Variants in TRNT1 observed in about 807,000 individuals in gnomAD.
TRNT1 encodes tRNA nucleotidyl transferase 1.
A neutral mutation model predicts 45.6 loss-of-function variants in TRNT1; 44 were observed. That is an observed-to-expected ratio of 0.97 (90% CI 0.76 to 1.24). TRNT1 has a LOEUF of 1.24. TRNT1 is among the 50% of genes most tolerant of loss of function. TRNT1 has a pLI of 0.00. For missense variants in TRNT1, 633 were observed against 504.4 expected (o/e 1.25, Z -2.44); for synonymous variants, 201 against 171.4 (o/e 1.17, Z -1.35).
intron 2 of TRNT1, among the ~76,000 whole-genome samples, chr3:3,133,430 A>C (rs1705135793): frequency 6.6e-6 from 1 of 152,016 alleles, no homozygotes; most frequent in South Asian, 2.1e-4. Flanking sequence ...ACAGTGATGC[A>C]CACCTGTAGT....
At chr3:3,149,597 G>C (rs1236115816), downstream of TRNT1, 1 of 152,130 alleles carries the variant, frequency 6.6e-6, no homozygotes, top group Non-Finnish European at 1.5e-5. Flanking sequence ...TTTTAGTGCA[G>C]TGTAAGAACT....
At chr3:3,140,137 A>AT (rs769802681) in intron 3 of TRNT1, among the ~76,000 whole-genome samples, 145 of 152,368 alleles carry the variant, frequency 9.5e-4, no homozygotes, top group Non-Finnish European at 1.6e-3. Context: ...ATAAATTGAC[A>AT]TTCACCTCTT....
chr3:3,140,837 C>T lies in TRNT1; in HGVS notation c.481+189C>T, dbSNP rs1705604376. 5.6e-6 allele frequency: 3 copies of T among 538,944 alleles called. No individual in the cohort carries two copies. The East Asian group carries it at 1.1e-4, about 20-fold the overall frequency. The allele number at this position is 538,944 out of a possible 1,614,324, so 33.4% of individuals were successfully genotyped here. On this transcript the variant is annotated intron_variant, in intron 4 of 7. Coordinates refer to ENST00000251607, the MANE Select transcript of TRNT1 (RefSeq NM_182916.3). ...GTGGGTCACGCCTGTAATCCCAGCA[C>T]TTTGGGAGGCCAAGGCAGGCGGATC... is the stretch of plus-strand genomic sequence containing the variant.
intron 2 of TRNT1, chr3:3,129,918 G>C: frequency 6.4e-7 from 1 of 1,550,604 alleles, no homozygotes; most frequent in Non-Finnish European, 8.7e-7. Flanking sequence ...TTCCTTCCTA[G>C]GTATAAATGC....
rs575835283 is a variant in TRNT1 at position 3,129,795 on chromosome 3, T to G, written c.148+607T>G. On this transcript the variant is annotated intron_variant, in intron 2 of 7. Coordinates refer to ENST00000251607, the MANE Select transcript of TRNT1 (RefSeq NM_182916.3). ...CTGTTACGTGAAAAAGGAAACAGAT[T>G]GTTAGGCATGTGAAGTGCTTTGCCT... 2.9e-5 allele frequency: 39 copies of G among 1,367,494 alleles called. No individual in the cohort carries two copies. The African/African-American group carries it at 5.0e-4, about 18-fold the overall frequency. 84.7% of individuals were successfully genotyped at this position (1,367,494 alleles called of 1,614,324 possible). A position where few individuals can be genotyped will look rare whatever the true frequency, so the allele number is the denominator to read the frequency against.
At chr3:3,130,050 C>G in intron 2 of TRNT1, 1 of 1,288,714 alleles carries the variant, frequency 7.8e-7, no homozygotes, top group Non-Finnish European at 1.1e-6. Flanking sequence ...CTTGCTGTTG[C>G]CACAGTTTCA....
At chr3:3,132,548 G>T (rs2126008639) in intron 2 of TRNT1, among the ~76,000 whole-genome samples, 1 of 76,936 alleles carries the variant, frequency 1.3e-5, no homozygotes, top group Non-Finnish European at 2.5e-5. Context: ...CGGGGGAGGG[G>T]GGAGGGATAG....
At chr3:3,142,214 G>T (rs1228957674) in intron 4 of TRNT1, among the ~76,000 whole-genome samples, 3 of 152,194 alleles carry the variant, frequency 2.0e-5, no homozygotes, top group East Asian at 3.9e-4. Flanking sequence ...CTGAAAGAGA[G>T]AAACTAATAC....
intron 2 of TRNT1, among the ~76,000 whole-genome samples, chr3:3,132,747 CA>C (rs573158252): frequency 3.2e-5 from 3 of 94,968 alleles, no homozygotes; most frequent in Admixed American, 9.7e-5. Context: ...AAAAAAAACA[CA>C]AAAAAAAAAC....
chr3:3,134,434 C>G (rs965797444), intron 2 of TRNT1, among the ~76,000 whole-genome samples: 19 of 152,128 alleles, frequency 1.2e-4, no homozygotes, highest in African/African-American at 4.6e-4. Context: ...ATAGGCTAAT[C>G]AAAATGGTGA....
chr3:3,129,790 CAG>C (rs774772491), intron 2 of TRNT1: 6 of 1,347,572 alleles, frequency 4.5e-6, no homozygotes, highest in African/African-American at 1.4e-5. Flanking sequence ...AAAAAGGAAA[CAG>C]ATTGTTAGGC....
chr3:3,149,614 ACAAAC>A (rs1451720151), downstream of TRNT1: 4 of 152,148 alleles, frequency 2.6e-5, no homozygotes, highest in Non-Finnish European at 5.9e-5. Flanking sequence ...AACTATAGGA[ACAAAC>A]CAGACCAGTG....
intron 4 of TRNT1, among the ~76,000 whole-genome samples, chr3:3,143,095 G>A (rs1226065646): frequency 6.6e-6 from 1 of 152,186 alleles, no homozygotes; most frequent in African/African-American, 2.4e-5. Flanking sequence ...CCTCTTTTCT[G>A]TAATGCTACA....
In TRNT1 at chr3:3,148,851, TA is replaced by T. The variant is rs1706252862; in HGVS notation, c.*700del. On this transcript the variant is annotated 3_prime_UTR_variant, in exon 8 of 8. Transcript: ENST00000251607. ...TAAAACAAACATTGGTATTGGAAGA[TA>T]AATATGTTTATGTGGTATCTGACAA... The T allele has an allele frequency of 1.3e-5, 2 of 152,192 alleles. No individual in the cohort carries two copies. 9.4% of individuals were successfully genotyped at this position (152,192 alleles called of 1,614,324 possible).
At chr3:3,147,790 T>C in intron 7 of TRNT1, 87 bp downstream of exon 7, 2 of 1,519,630 alleles carry the variant, frequency 1.3e-6, no homozygotes, top group Non-Finnish European at 1.8e-6. Context: ...TACAAATCTG[T>C]GAATTTTACT....
chr3:3,128,916 A>G, intron 1 of TRNT1, 98 bp from the exon 2 acceptor site: 1 of 931,212 alleles, frequency 1.1e-6, no homozygotes, highest in Non-Finnish European at 1.6e-6. Flanking sequence ...CAAGAGATGA[A>G]TTTCTGAGTT....
At position 3,131,070 on chromosome 3, in the gene TRNT1, G is replaced by A. The variant is rs540967684; in HGVS notation, c.148+1882G>A. Among the ~76,000 whole-genome samples the A allele has an allele frequency of 5.0e-4, 75 of 150,096 alleles. 1 individual carries two copies. The highest frequency in any genetic ancestry group is 2.5e-3 in the Admixed American group (37 of 15,052). ...CACTCCAGCCTGGGCGACACAGACC[G>A]TGTCTTTAAAAAAAAAAAAAAATTA... On this transcript the variant is annotated intron_variant, in intron 2 of 7. Transcript: ENST00000251607.
chr3:3,134,013 A>G (rs1197283820), intron 2 of TRNT1, among the ~76,000 whole-genome samples: 1 of 152,212 alleles, frequency 6.6e-6, no homozygotes, highest in Non-Finnish European at 1.5e-5. Flanking sequence ...AATTGCTAAT[A>G]ATAATTAACA....
intron 4 of TRNT1, among the ~76,000 whole-genome samples, chr3:3,141,053 CAG>C (rs1705617403): frequency 6.6e-6 from 1 of 152,142 alleles, no homozygotes; most frequent in Non-Finnish European, 1.5e-5. Flanking sequence ...GTCTGGGCAA[CAG>C]AGCGAGACTC....
Sources: allele counts gnomAD v4.1 joint callset (sites outside exome capture counted in the v4.1 genomes callset), GRCh38; gene constraint gnomAD v4.1.1; transcripts MANE v1.5; gene names NCBI Gene and HGNC (gene_info 2026-07-23, HGNC 2026-07-21).